The following CFAP47 variants were observed in gnomAD, a reference collection of about 807,000 sequenced individuals.
CFAP47 encodes the protein cilia and flagella associated protein 47.
In CFAP47, 29 loss-of-function variants were observed where a neutral mutation model predicts 148.1. The ratio of observed to expected loss-of-function variants is 0.20; its 90% confidence interval spans 0.15 to 0.27. The LOEUF is 0.27. CFAP47 is among the 10% of genes least tolerant of loss of function. The probability of loss-of-function intolerance (pLI) is 1.00; values close to 1 mark genes in which losing one functional copy is unlikely to be tolerated. For missense variants in CFAP47, 1,872 were observed against 1,697.5 expected (o/e 1.10, Z -1.81); for synonymous variants, 664 against 577.3 (o/e 1.15, Z -2.15).
chrX:36,341,996 A>T (rs1314308655), intron 57 of CFAP47, among the ~76,000 whole-genome samples: 1 of 110,760 alleles, frequency 9.0e-6, no homozygotes, highest in Non-Finnish European at 1.9e-5. Flanking sequence ...GGAAATGGAT[A>T]AAAAAAGAAA....
chrX:36,175,616 G>A (rs1470820017), intron 39 of CFAP47, among the ~76,000 whole-genome samples: 1 of 112,274 alleles, frequency 8.9e-6, no homozygotes, highest in Non-Finnish European at 1.9e-5. Flanking sequence ...CTGCTCGGAT[G>A]TCAGCAGTCA....
chrX:36,124,310 T>C (rs1207307174), intron 33 of CFAP47, among the ~76,000 whole-genome samples: 2 of 111,545 alleles, frequency 1.8e-5, no homozygotes, highest in Non-Finnish European at 3.8e-5. Context: ...CCAAGTCTTC[T>C]GGCTCTGAGT....
intron 33 of CFAP47, among the ~76,000 whole-genome samples, chrX:36,113,818 CT>C (rs747656047): frequency 0.052 from 5,140 of 99,159 alleles, 283 homozygotes; most frequent in African/African-American, 0.15. Context: ...TCTTGTCTGT[CT>C]TTTTTTTTTT....
intron 30 of CFAP47, among the ~76,000 whole-genome samples, chrX:36,095,643 T>C (rs1312071556): frequency 9.0e-6 from 1 of 111,446 alleles, no homozygotes; most frequent in Non-Finnish European, 1.9e-5. Flanking sequence ...TGTCCATTTC[T>C]TCTAGATTTT....
chrX:35,942,423 T>G (rs756012942), intron 3 of CFAP47, among the ~76,000 whole-genome samples: 4 of 111,084 alleles, frequency 3.6e-5, no homozygotes, highest in Non-Finnish European at 5.7e-5. Flanking sequence ...TTTCTATGCT[T>G]TGGTTTTTAA....
chrX:36,114,325 A>G (rs768334018), intron 33 of CFAP47, among the ~76,000 whole-genome samples: 65 of 111,003 alleles, frequency 5.9e-4, no homozygotes, highest in Non-Finnish European at 1.1e-3. Flanking sequence ...CCTTATTCCT[A>G]TCCATCTCTG....
chrX:36,237,376 T>G (rs1377168124), intron 48 of CFAP47, among the ~76,000 whole-genome samples: 2 of 111,810 alleles, frequency 1.8e-5, no homozygotes, highest in African/African-American at 6.5e-5. Context: ...GTTGCTCAGG[T>G]TGGAGGCCAG....
chrX:36,145,549 G>C (rs1475555752), intron 36 of CFAP47, among the ~76,000 whole-genome samples, 196 bp downstream of exon 36: 1 of 111,899 alleles, frequency 8.9e-6, no homozygotes, highest in Non-Finnish European at 1.9e-5. Flanking sequence ...TTGCTTAAGA[G>C]TAATCACCAC....
chrX:36,002,615 A>G (rs1388360972), intron 21 of CFAP47, among the ~76,000 whole-genome samples: 1 of 111,223 alleles, frequency 9.0e-6, no homozygotes, highest in Non-Finnish European at 1.9e-5. Context: ...CAAACAAACA[A>G]AAAACTGCAT....
intron 30 of CFAP47, 80 bp downstream of exon 30, chrX:36,085,618 ATAT>A (rs756600820): frequency 1.9e-6 from 1 of 520,585 alleles, no homozygotes; most frequent in East Asian, 3.8e-5. Flanking sequence ...ATAGACTTTG[ATAT>A]TATTTTCCTT....
At chrX:36,000,945 AC>A (rs1384055175) in intron 20 of CFAP47, among the ~76,000 whole-genome samples, 6 of 111,453 alleles carry the variant, frequency 5.4e-5, no homozygotes, top group African/African-American at 2.0e-4. Flanking sequence ...ACACGCACAG[AC>A]CCATTTGTTT....
intron 29 of CFAP47, among the ~76,000 whole-genome samples, chrX:36,078,361 G>T (rs1458257415): frequency 9.0e-6 from 1 of 110,979 alleles, no homozygotes; most frequent in East Asian, 2.9e-4. Flanking sequence ...GGTCTCTAAG[G>T]ACTTGCTCTA....
chrX:36,328,593 G>A (rs1941536870), intron 57 of CFAP47, among the ~76,000 whole-genome samples: 1 of 109,328 alleles, frequency 9.1e-6, no homozygotes, highest in Admixed American at 9.7e-5. Flanking sequence ...GGTGGATCAT[G>A]AGGTCAGGAG....
chrX:36,248,355 T>C (rs1259307472), intron 48 of CFAP47, among the ~76,000 whole-genome samples: 1 of 105,312 alleles, frequency 9.5e-6, no homozygotes, highest in Non-Finnish European at 1.9e-5. Flanking sequence ...CTATGCTTTC[T>C]TTATAATATG....
intron 51 of CFAP47, among the ~76,000 whole-genome samples, chrX:36,289,933 G>A (rs1941176667): frequency 9.1e-6 from 1 of 110,431 alleles, no homozygotes; most frequent in South Asian, 3.9e-4. Context: ...TGTGTGTGGG[G>A]GAGGGTCTGC....
rs751839431 is a variant in CFAP47 at position 35,966,538 on chromosome X, T to G, written c.1411-27T>G. On this transcript the variant is annotated intron_variant, in intron 8 of 63. Transcript: ENST00000378653. The stretch of plus-strand genomic sequence containing the variant: ...AACTTTTTTTCTACCAATTTATTAT[T>G]GGTTACTTTTCATCTTTTTTTTTTA... 8.3e-6 allele frequency: 8 copies of G among 966,333 alleles called. No homozygotes were observed. The East Asian group carries it at 2.9e-4, about 35-fold the overall frequency. 79.6% of individuals were successfully genotyped at this position (966,333 alleles called of 1,213,427 possible).
At chrX:36,158,628 T>G (rs1939395718) in intron 37 of CFAP47, among the ~76,000 whole-genome samples, 1 of 111,916 alleles carries the variant, frequency 8.9e-6, no homozygotes, top group African/African-American at 3.3e-5. Flanking sequence ...CTCATCACAA[T>G]CCAGGAAGCA....
chrX:36,148,378 T>C (rs1298924694), intron 36 of CFAP47, among the ~76,000 whole-genome samples: 1 of 111,743 alleles, frequency 8.9e-6, no homozygotes, highest in Non-Finnish European at 1.9e-5. Context: ...CTTGAGGACA[T>C]GCCCAAAGGT....
intron 13 of CFAP47, among the ~76,000 whole-genome samples, chrX:35,973,229 G>A (rs939245519): frequency 1.8e-5 from 2 of 110,757 alleles, no homozygotes; most frequent in South Asian, 3.8e-4. Flanking sequence ...TCGCTCTGTC[G>A]CCCAGGCTGG....
Sources: gnomAD v4.1 joint callset for allele counts (sites outside exome capture counted in the v4.1 genomes callset) on GRCh38, gnomAD v4.1.1 for gene constraint, MANE v1.5 for transcripts, NCBI Gene and HGNC (gene_info 2026-07-23, HGNC 2026-07-21) for gene names.